The following CAPNS1 variants were observed in gnomAD, a reference collection of about 807,000 sequenced individuals.
The protein encoded by CAPNS1 is calpain small subunit 1.
CAPNS1 carries 32 observed loss-of-function variants against 39.2 expected under a neutral mutation model. The observed-to-expected ratio is 0.82, with a 90% CI of 0.62 to 1.10. CAPNS1 has a LOEUF of 1.10. Ranked by LOEUF, CAPNS1 falls within the 50% of genes least tolerant of loss-of-function variation. The probability of loss-of-function intolerance (pLI) is 0.00; values close to 1 mark genes in which losing one functional copy is unlikely to be tolerated. For synonymous variants in CAPNS1, 153 were observed against 136.2 expected, an observed-to-expected ratio of 1.12 and a Z score of -0.86; for missense variants, 353 against 373.1, an observed-to-expected ratio of 0.95 and a Z score of 0.44.
At chr19:36,140,332 CCT>C (rs17887220) in intron 1 of CAPNS1, 175 bp downstream of exon 1, 3 of 152,390 alleles carry the variant, frequency 2.0e-5, no homozygotes, top group Non-Finnish European at 2.9e-5. Flanking sequence ...CCTTCTCCAC[CCT>C]CTGTCTCATG....
At chr19:36,144,661 A>G (rs530687322) in intron 6 of CAPNS1, among the ~76,000 whole-genome samples, 80 of 152,242 alleles carry the variant, frequency 5.3e-4, no homozygotes, top group African/African-American at 1.9e-3. Flanking sequence ...TGGGATTACA[A>G]GCTTGAGACA....
In CAPNS1 at chr19:36,145,796, C is replaced by A. The variant is rs766025378; in HGVS notation, c.457-10C>A. On this transcript the variant is annotated splice_polypyrimidine_tract_variant and intron_variant, in intron 6 of 10. Transcript: ENST00000246533. The stretch of plus-strand genomic sequence containing the variant: ...TGTAGCTGTCACTCTTCTTAACACC[C>A]TCCCACCAGAGCGACACCACAGGCA... The A allele has an allele frequency of 6.2e-7, 1 of 1,613,154 alleles. No homozygotes were observed. Among genetic ancestry groups the A allele is most frequent in the Non-Finnish European group, 8.5e-7 (1 of 1,179,250 alleles).
chr19:36,145,203 C>CTTTTTTTTTTTTTTTTT (rs5827950), intron 6 of CAPNS1, among the ~76,000 whole-genome samples: 1 of 118,296 alleles, frequency 8.5e-6, no homozygotes, highest in Admixed American at 1.0e-4. Flanking sequence ...TTTTCTTTCT[C>CTTTTTTTTTTTTTTTTT]TTTTTTTTTT....
intron 9 of CAPNS1, 43 bp from the exon 10 acceptor site, chr19:36,149,535 T>A (rs1158096434): frequency 7.0e-7 from 1 of 1,435,844 alleles, no homozygotes. Flanking sequence ...AAAACCAGTC[T>A]CCTTCCTTCC....
intron 9 of CAPNS1, among the ~76,000 whole-genome samples, chr19:36,147,196 T>C (rs1974599691): frequency 6.6e-6 from 1 of 152,182 alleles, no homozygotes; most frequent in Admixed American, 6.5e-5. Flanking sequence ...GAAGTGGGGA[T>C]TACTGTCCTT....
In CAPNS1 at chr19:36,145,885, A is replaced by C. The variant is rs1599881609; in HGVS notation, c.525+11A>C. 1 of 1,613,992 alleles carries C rather than the reference A, an allele frequency of 6.2e-7. No individual in the cohort carries two copies. Among genetic ancestry groups the C allele is most frequent in the Non-Finnish European group, 8.5e-7 (1 of 1,179,862 alleles). ...ATCAAAAGGTGGCAGGTGTGTAGAA[A>C]CCTCTGAAATCCCTGGCACCCAGAC... On this transcript the variant is annotated intron_variant, in intron 7 of 10. Coordinates refer to ENST00000246533, the MANE Select transcript of CAPNS1 (RefSeq NM_001749.4).
At chr19:36,143,157 C>A in intron 6 of CAPNS1, 29 bp downstream of exon 6, 1 of 1,603,508 alleles carries the variant, frequency 6.2e-7, no homozygotes, top group Non-Finnish European at 8.5e-7. Context: ...TGGGAGAGGC[C>A]CTGGGTGGAC....
rs373217382 is a variant in CAPNS1 at position 36,142,645 on chromosome 19, T to G, written c.244-7T>G. 3 of 1,613,556 alleles carry G rather than the reference T, an allele frequency of 1.9e-6. No individual in the cohort carries two copies. The highest frequency in any genetic ancestry group is 2.5e-6 in the Non-Finnish European group (3 of 1,179,670). ...TCCCCCTGCTCTGAGCTCTCCTCCCTTTGCAGCCCCCACGCACACATTACT... is the reference window on the plus strand; with the variant it reads ...TCCCCCTGCTCTGAGCTCTCCTCCCGTTGCAGCCCCCACGCACACATTACT... On this transcript the variant is annotated splice_region_variant and splice_polypyrimidine_tract_variant and intron_variant, in intron 3 of 10. Coordinates refer to ENST00000246533, the MANE Select transcript of CAPNS1 (RefSeq NM_001749.4).
chr19:36,147,737 C>G (rs536727523), intron 9 of CAPNS1, among the ~76,000 whole-genome samples: 31 of 150,892 alleles, frequency 2.1e-4, no homozygotes, highest in Non-Finnish European at 4.0e-4. Flanking sequence ...TGCACTCCAG[C>G]CTGGGTGACA....
At position 36,150,088 on chromosome 19, in the gene CAPNS1, C is replaced by A. The variant is rs1239668784; in HGVS notation, c.*249C>A. The stretch of plus-strand genomic sequence containing the variant: ...CACGGGTCTCCCCATTCCCACCAGG[C>A]CCTGCACACACCCACTCCGTAACCT... On this transcript the variant is annotated 3_prime_UTR_variant, in exon 11 of 11. Transcript: ENST00000246533. 4 of 395,538 alleles carry A rather than the reference C, an allele frequency of 1.0e-5. No homozygotes were observed. Among genetic ancestry groups the A allele is most frequent in the Non-Finnish European group, 1.8e-5 (4 of 224,420 alleles). The allele number at this position is 395,538 out of a possible 1,614,324, so 24.5% of individuals were successfully genotyped here.
rs548771364 is a variant in CAPNS1, at chr19:36,147,890, T to C, written c.721+1578T>C. 4 of 151,952 alleles carry C rather than the reference T, an allele frequency of 2.6e-5. No homozygotes were observed. In the East Asian group the frequency reaches 5.8e-4, roughly 22 times the overall value. 9.4% of individuals were successfully genotyped at this position (151,952 alleles called of 1,614,324 possible). A position where few individuals can be genotyped will look rare whatever the true frequency, so the allele number is the denominator to read the frequency against. On this transcript the variant is annotated intron_variant, in intron 9 of 10. Transcript: ENST00000246533. Reference sequence around the variant, plus strand: ...GAGTTCAAGACCAGCCTGGCCAACATGGCGAAACCCCGCATCTACTAACGA... The same window carrying C: ...GAGTTCAAGACCAGCCTGGCCAACACGGCGAAACCCCGCATCTACTAACGA...
In CAPNS1 at chr19:36,141,065, C is replaced by T. The variant is rs1555729268; in HGVS notation, c.54C>T (p.Gly18=). The T allele has an allele frequency of 9.5e-6, 5 of 524,308 alleles. No homozygotes were observed. The Admixed American group carries it at 1.4e-4, about 15-fold the overall frequency. The allele number at this position is 524,308 out of a possible 1,614,324, so 32.5% of individuals were successfully genotyped here. A position where few individuals can be genotyped will look rare whatever the true frequency, so the allele number is the denominator to read the frequency against. The part of the protein sequence containing the change: ...LKGGGGGGGG[G]GGLGGGLGNV... ...GCGGCGGCGGCGGCGGCGGGGGAGG[C>T]GGGGGCCTGGGTGGGGGCCTGGGAA... Residue 18 remains glycine (G), a synonymous_variant, in exon 2 of 11, where the codon GGC becomes GGT. Transcript: ENST00000246533.
At chr19:36,142,235 T>A in intron 2 of CAPNS1, 65 bp from the exon 3 acceptor site, 1 of 937,686 alleles carries the variant, frequency 1.1e-6, no homozygotes, top group Non-Finnish European at 1.8e-6. Flanking sequence ...GGCTGATGGT[T>A]CTGTAGTGCT....
intron 6 of CAPNS1, chr19:36,145,588 G>T (rs1026413277): frequency 1.5e-5 from 8 of 530,228 alleles, no homozygotes; most frequent in Middle Eastern, 5.0e-4. Context: ...ATTCCTCATG[G>T]TTATGTTTAA....
intron 1 of CAPNS1, chr19:36,140,538 A>C: frequency 1.3e-5 from 2 of 154,466 alleles, no homozygotes; most frequent in Non-Finnish European, 2.9e-5. Flanking sequence ...GCCGCTGGGA[A>C]TACCTAAATT....
chr19:36,141,193 T>C lies in CAPNS1; in HGVS notation c.182T>C (p.Ile61Thr). 2 of 1,467,210 alleles carry C rather than the reference T, an allele frequency of 1.4e-6. No homozygotes were observed. Among genetic ancestry groups the C allele is most frequent in the Admixed American group, 3.0e-5 (1 of 33,834 alleles). The allele number at this position is 1,467,210 out of a possible 1,614,324, so 90.9% of individuals were successfully genotyped here. The change falls in exon 2 of 11, where the codon ATC becomes ACC. Residue 61 changes from isoleucine to threonine, a missense_variant. Physicochemically the swap from Ile to Thr is moderately conservative, Grantham distance 89. Transcript: ENST00000246533. ...GGGGGGTAMR[I>T]LGGVISAISE... ...GGTGGCGGTGGAACGGCCATGCGCA[T>C]CCTAGGCGGAGTCATCAGCGCCATC...
At chr19:36,149,435 T>C in intron 9 of CAPNS1, 143 bp from the exon 10 acceptor site, 1 of 691,760 alleles carries the variant, frequency 1.4e-6, no homozygotes, top group Non-Finnish European at 2.2e-6. Flanking sequence ...GGAAAGCACT[T>C]TACCCCATGC....
At chr19:36,142,624 C>A in intron 3 of CAPNS1, 28 bp from the exon 4 acceptor site, 2 of 1,605,030 alleles carry the variant, frequency 1.2e-6, no homozygotes, top group Non-Finnish European at 1.7e-6. Flanking sequence ...TTCCCCTCCC[C>A]CTGCTCTGAG....
chr19:36,145,689 C>G lies in CAPNS1; in HGVS notation c.457-117C>G, dbSNP rs17885114. 8.1e-3 allele frequency: 6,175 copies of G among 762,296 alleles called. 64 individuals carry two copies. The highest frequency in any genetic ancestry group is 8.1e-3 in the Non-Finnish European group (3,624 of 448,842). 47.2% of individuals were successfully genotyped at this position (762,296 alleles called of 1,614,324 possible). ...ACCAGGTGATATGACTAGGACCAAGCGGGAGCTGGAGTTTCAGCCCTGGCT... is the reference window on the plus strand; with the variant it reads ...ACCAGGTGATATGACTAGGACCAAGGGGGAGCTGGAGTTTCAGCCCTGGCT... On this transcript the variant is annotated intron_variant, in intron 6 of 10. Coordinates refer to ENST00000246533, the MANE Select transcript of CAPNS1 (RefSeq NM_001749.4).
Sources: allele counts gnomAD v4.1 joint callset (sites outside exome capture counted in the v4.1 genomes callset), GRCh38; gene constraint gnomAD v4.1.1; transcripts MANE v1.5; gene names NCBI Gene and HGNC (gene_info 2026-07-23, HGNC 2026-07-21).